MCF2L: variants seen among roughly 807,000 people sequenced by gnomAD.
The protein encoded by MCF2L is MCF.2 cell line derived transforming sequence like.
In MCF2L, 97 loss-of-function variants were observed where a neutral mutation model predicts 153.4. The ratio of observed to expected loss-of-function variants is 0.63; its 90% CI spans 0.54 to 0.75. MCF2L has a LOEUF of 0.75. Ranked by LOEUF, MCF2L falls within the 30% of genes least tolerant of loss-of-function variation. MCF2L has a pLI of 0.00. For missense variants in MCF2L, 1,347 were observed against 1,495.2 expected (o/e 0.90, Z 1.64); for synonymous variants, 659 against 632.2 (o/e 1.04, Z -0.64).
At chr13:112,978,344 C>T (rs1240865231) in intron 1 of MCF2L, among the ~76,000 whole-genome samples, 1 of 152,206 alleles carries the variant, frequency 6.6e-6, no homozygotes, top group African/African-American at 2.4e-5. Context: ...AGCCTTGGGA[C>T]CACCTTGTTG....
rs34826552 is a variant in MCF2L at position 112,936,279 on chromosome 13, CAAA to C, written c.169+33930_169+33932del. Among the ~76,000 whole-genome samples the C allele has an allele frequency of 5.8e-3, 428 of 74,280 alleles. 6 individuals carry two copies. The highest frequency in any genetic ancestry group is 0.045 in the Middle Eastern group (7 of 156). The allele number at this position is 74,280 out of a possible 152,430, so 48.7% of individuals were successfully genotyped here. ...TGGGCAACAGAGTGAGACTCTGTCT[CAAA>C]AAAAAAAAAAAAAAAAAAAAAGACC... On this transcript the variant is annotated intron_variant, in intron 2 of 29. Transcript: ENST00000375608.
Position 113,086,306 on chromosome 13 carries a change from G to A in MCF2L, c.2373+57G>A. ...CGCCTCCGTGGAATACACCAGCCCAGCAACTTGGCGGCCTCCCTGCACACG... is the reference window on the plus strand; with the variant it reads ...CGCCTCCGTGGAATACACCAGCCCAACAACTTGGCGGCCTCCCTGCACACG... On this transcript the variant is annotated intron_variant, in intron 21 of 29. Coordinates refer to ENST00000535094, the MANE Select transcript of MCF2L (RefSeq NM_001112732.3). The A allele has an allele frequency of 2.5e-6, 4 of 1,590,416 alleles. No individual in the cohort carries two copies. In the South Asian group the frequency reaches 4.5e-5, roughly 18 times the overall value.
intron 3 of MCF2L, among the ~76,000 whole-genome samples, chr13:113,037,898 T>C (rs1173108350): frequency 1.3e-5 from 2 of 152,336 alleles, no homozygotes; most frequent in East Asian, 3.9e-4. Flanking sequence ...TCATTATTTG[T>C]AGACAATGTG....
intron 3 of MCF2L, among the ~76,000 whole-genome samples, chr13:113,038,119 C>T (rs554521460): frequency 6.6e-6 from 1 of 152,202 alleles, no homozygotes; most frequent in African/African-American, 2.4e-5. Context: ...AAAATCATAT[C>T]TAATAAAAGA....
At position 112,969,242 on chromosome 13, in the gene MCF2L, C is replaced by T. The variant is rs988199552; in HGVS notation, c.-138C>T. 5.4e-5 allele frequency: 73 copies of T among 1,360,630 alleles called. No homozygotes were observed. The highest frequency in any genetic ancestry group is 5.9e-5 in the Admixed American group (2 of 33,796). The allele number at this position is 1,360,630 out of a possible 1,614,324, so 84.3% of individuals were successfully genotyped here. A position where few individuals can be genotyped will look rare whatever the true frequency, so the allele number is the denominator to read the frequency against. ...GAACCAATCCTGGGCAGGGAGGCGG[C>T]GGCTGGAGGCTGAAAGCGCTGCCGT... On this transcript the variant is annotated 5_prime_UTR_variant, in exon 1 of 30. Coordinates refer to ENST00000535094, the MANE Select transcript of MCF2L (RefSeq NM_001112732.3). The surrounding 1 kb of genome is among the most constrained non-coding windows in gnomAD (Gnocchi z 4.8).
At chr13:113,073,049 A>C (rs1173936909) in intron 9 of MCF2L, among the ~76,000 whole-genome samples, 4 of 129,520 alleles carry the variant, frequency 3.1e-5, no homozygotes, top group Non-Finnish European at 3.3e-5. Context: ...TTTTTTTTCC[A>C]ATTTCCCTTG....
At chr13:113,061,256 C>T (rs1051210308) in intron 5 of MCF2L, among the ~76,000 whole-genome samples, 1 of 152,170 alleles carries the variant, frequency 6.6e-6, no homozygotes. Context: ...GGCAGCATCT[C>T]CCAACACTGC....
intron 2 of MCF2L, among the ~76,000 whole-genome samples, chr13:112,950,005 CA>C (rs35902584): frequency 1.2e-3 from 145 of 122,734 alleles, no homozygotes; most frequent in African/African-American, 2.2e-3. Flanking sequence ...AAGGATTCTA[CA>C]AAAAAAAAAA....
intron 1 of MCF2L, chr13:112,902,074 T>A (rs1479936703): frequency 9.9e-6 from 7 of 708,016 alleles, no homozygotes; most frequent in Admixed American, 8.3e-5. Flanking sequence ...TCAAACATAC[T>A]ATCTTCACTG....
At chr13:112,902,081 A>G (rs1419574783) in intron 1 of MCF2L, 5 of 732,764 alleles carry the variant, frequency 6.8e-6, no homozygotes, top group Non-Finnish European at 1.1e-5. Context: ...TACTATCTTC[A>G]CTGCAGAATA....
intron 2 of MCF2L, among the ~76,000 whole-genome samples, chr13:112,940,687 A>G (rs923401047): frequency 6.6e-6 from 1 of 152,204 alleles, no homozygotes; most frequent in Non-Finnish European, 1.5e-5. Flanking sequence ...TTTGCAGTCA[A>G]TCTTCTGTAT....
At chr13:112,967,923 T>G (rs1290947836), upstream of MCF2L, 1 of 179,870 alleles carries the variant, frequency 5.6e-6, no homozygotes, top group Non-Finnish European at 1.2e-5. Flanking sequence ...TGTTGGACGC[T>G]GGAATGCTGG....
chr13:113,044,558 T>C lies in MCF2L; in HGVS notation c.279-713T>C, dbSNP rs2086683686. On this transcript the variant is annotated intron_variant, in intron 3 of 29. Coordinates refer to ENST00000535094, the MANE Select transcript of MCF2L (RefSeq NM_001112732.3). ...CCCGTGTGGTTGTTTCTGCTTTGGA[T>C]TGGCTGGTGGTAGCAGCTGCTGGCA... is the stretch of plus-strand genomic sequence containing the variant. 6 of 1,475,736 alleles carry C rather than the reference T, an allele frequency of 4.1e-6. No individual in the cohort carries two copies. The South Asian group carries it at 5.0e-5, about 12-fold the overall frequency. 91.4% of individuals were successfully genotyped at this position (1,475,736 alleles called of 1,614,324 possible).
chr13:113,064,904 A>G lies in MCF2L; in HGVS notation c.607-32A>G. On this transcript the variant is annotated intron_variant, in intron 6 of 29. Coordinates refer to ENST00000535094, the MANE Select transcript of MCF2L (RefSeq NM_001112732.3). This position sits in a 1 kb window ranked among gnomAD's most constrained non-coding sequence, Gnocchi z 6.0. ...CAGCAGGAGGTGGGTGCAGTGCACA[A>G]GGCATGCAATTGTGTTTTCTCTGTC... is the stretch of plus-strand genomic sequence containing the variant. The G allele has an allele frequency of 6.3e-7, 1 of 1,598,248 alleles. No homozygotes were observed. The highest frequency in any genetic ancestry group is 8.5e-7 in the Non-Finnish European group (1 of 1,171,736).
At chr13:112,902,887 G>C (rs1176763184) in intron 2 of MCF2L, among the ~76,000 whole-genome samples, 3 of 152,194 alleles carry the variant, frequency 2.0e-5, no homozygotes, top group African/African-American at 7.2e-5. Context: ...TGGGGTGTGA[G>C]TGGCCTCTCC....
intron 17 of MCF2L, 34 bp downstream of exon 17, chr13:113,082,576 G>A (rs377471468): frequency 1.1e-4 from 157 of 1,419,554 alleles, no homozygotes; most frequent in South Asian, 4.7e-4. Context: ...GCACGCACCC[G>A]TGATCTCTTG....
At chr13:113,002,110 C>G in intron 1 of MCF2L, 29 of 1,025,380 alleles carry the variant, frequency 2.8e-5, no homozygotes, top group Non-Finnish European at 3.1e-5. Context: ...GGCAGAAGCC[C>G]GGGGCTGGGG....
At chr13:113,000,677 T>C (rs1171338994) in intron 1 of MCF2L, among the ~76,000 whole-genome samples, 1 of 152,206 alleles carries the variant, frequency 6.6e-6, no homozygotes, top group Non-Finnish European at 1.5e-5. Flanking sequence ...GCCAGGTGTC[T>C]GGCATTTGGG....
At chr13:112,926,966 A>G (rs2081414026) in intron 2 of MCF2L, among the ~76,000 whole-genome samples, 1 of 152,244 alleles carries the variant, frequency 6.6e-6, no homozygotes. Context: ...TAGCCTTTCC[A>G]CTGTGCATAC....
Sources: allele counts gnomAD v4.1 joint callset (sites outside exome capture counted in the v4.1 genomes callset), GRCh38; gene constraint gnomAD v4.1.1; non-coding constraint Gnocchi (gnomAD v3.1); transcripts MANE v1.5; gene names NCBI Gene and HGNC (gene_info 2026-07-23, HGNC 2026-07-21).